SEPTIN9: variants seen among roughly 807,000 people sequenced by gnomAD.
SEPTIN9 encodes septin-9.
In SEPTIN9, 13 loss-of-function variants were observed where a neutral mutation model predicts 56.6. The observed-to-expected ratio is 0.23, with a 90% confidence interval of 0.15 to 0.37. The LOEUF (loss-of-function observed/expected upper bound fraction) is 0.37, where lower values mean the gene tolerates loss of function less well. SEPTIN9 is among the 10% of genes least tolerant of loss of function. The pLI, the probability that SEPTIN9 is intolerant of heterozygous loss-of-function variation, is 1.00. For synonymous variants in SEPTIN9, 332 were observed against 334.1 expected (o/e 0.99, Z 0.07); for missense variants, 650 against 823.1 (o/e 0.79, Z 2.57).
At chr17:77,493,561 G>A (rs312799) in intron 10 of SEPTIN9, among the ~76,000 whole-genome samples, 8 of 151,782 alleles carry the variant, frequency 5.3e-5, no homozygotes, top group Admixed American at 2.0e-4. Context: ...CAACACAAAC[G>A]TATTTTCACA....
chr17:77,353,705 C>CT (rs913862425), intron 2 of SEPTIN9, among the ~76,000 whole-genome samples: 7 of 152,196 alleles, frequency 4.6e-5, no homozygotes, highest in Non-Finnish European at 7.3e-5. Context: ...AGGCTCCATT[C>CT]TTTTTGGTTG....
At chr17:77,335,566 A>G (rs565678534) in intron 2 of SEPTIN9, among the ~76,000 whole-genome samples, 97 of 150,442 alleles carry the variant, frequency 6.4e-4, no homozygotes, top group African/African-American at 2.2e-3. Flanking sequence ...TGTTGACTGT[A>G]TATGTAGTCC....
chr17:77,479,176 GAA>G (rs2039345511), intron 3 of SEPTIN9, among the ~76,000 whole-genome samples: 1 of 152,066 alleles, frequency 6.6e-6, no homozygotes, highest in African/African-American at 2.4e-5. Flanking sequence ...CAATTAAAAG[GAA>G]AAGTCACGTG....
chr17:77,450,517 G>T lies in SEPTIN9; in HGVS notation c.722-31627G>T. 1 of 985,490 alleles carries T rather than the reference G, an allele frequency of 1.0e-6. No individual in the cohort carries two copies. Among genetic ancestry groups the T allele is most frequent in the Non-Finnish European group, 1.2e-6 (1 of 830,000 alleles). 61.0% of individuals were successfully genotyped at this position (985,490 alleles called of 1,614,324 possible). A position where few individuals can be genotyped will look rare whatever the true frequency, so the allele number is the denominator to read the frequency against. On this transcript the variant is annotated intron_variant, in intron 3 of 11. Coordinates refer to ENST00000427177, the MANE Select transcript of SEPTIN9 (RefSeq NM_001113491.2). This position sits in a 1 kb window ranked among gnomAD's most constrained non-coding sequence, Gnocchi z 6.0. ...CTAGTGTGGGAGTGGCCACGCCCCT[G>T]CTGGGAGTGACTCACTTGGGTTCAG...
At chr17:77,489,870 C>G (rs1052818637) in intron 7 of SEPTIN9, among the ~76,000 whole-genome samples, 1 of 152,212 alleles carries the variant, frequency 6.6e-6, no homozygotes, top group African/African-American at 2.4e-5. Flanking sequence ...CCAGGCAGAA[C>G]GGCTCACCTG....
Position 77,451,346 on chromosome 17 carries a change from C to T in SEPTIN9, c.722-30798C>T, listed in dbSNP as rs1042622362. 40 of 985,726 alleles carry T rather than the reference C, an allele frequency of 4.1e-5. No individual in the cohort carries two copies. The highest frequency in any genetic ancestry group is 4.5e-5 in the Non-Finnish European group (37 of 830,070). The allele number at this position is 985,726 out of a possible 1,614,324, so 61.1% of individuals were successfully genotyped here. ...CGCCCTGCCCCCTTGGAGCAATTCC[C>T]CACCGAGCCTCCCTTCCCAGGCAGT... On this transcript the variant is annotated intron_variant, in intron 3 of 11. Transcript: ENST00000427177. The surrounding 1 kb of genome is among the most constrained non-coding windows in gnomAD (Gnocchi z 4.2).
Position 77,405,220 on chromosome 17 carries a change from G to A in SEPTIN9, c.721+2517G>A. 2.3e-6 allele frequency: 3 copies of A among 1,307,634 alleles called. No homozygotes were observed. The highest frequency in any genetic ancestry group is 3.2e-6 in the Non-Finnish European group (3 of 951,536). 81.0% of individuals were successfully genotyped at this position (1,307,634 alleles called of 1,614,324 possible). A position where few individuals can be genotyped will look rare whatever the true frequency, so the allele number is the denominator to read the frequency against. ...AGTTTAGCCCCTAAATTGTGCCAGA[G>A]ACTGTGCCGGGAGCCAGGCCCAGGG... On this transcript the variant is annotated intron_variant, in intron 3 of 11. Coordinates refer to ENST00000427177, the MANE Select transcript of SEPTIN9 (RefSeq NM_001113491.2). This position sits in a 1 kb window ranked among gnomAD's most constrained non-coding sequence, Gnocchi z 5.8.
intron 1 of SEPTIN9, among the ~76,000 whole-genome samples, chr17:77,282,869 C>T (rs1361405480): frequency 3.9e-5 from 6 of 152,170 alleles, no homozygotes; most frequent in Non-Finnish European, 7.4e-5. Context: ...GGGGATCGCG[C>T]GGTGCATGGC....
chr17:77,488,460 C>G, intron 6 of SEPTIN9, 139 bp downstream of exon 6: 1 of 880,980 alleles, frequency 1.1e-6, no homozygotes, highest in Admixed American at 2.1e-5. Context: ...GCCAAAGCCG[C>G]ACGTCTCAGG....
rs1196343968 is a variant in SEPTIN9, at chr17:77,436,058, T to C, written c.721+33355T>C. ...GTGTTTATGCATGGGTACTTTGCCA[T>C]CCACACTGGCTTCCACGGCTGGGTG... On this transcript the variant is annotated intron_variant, in intron 3 of 11. Coordinates refer to ENST00000427177, the MANE Select transcript of SEPTIN9 (RefSeq NM_001113491.2). The surrounding 1 kb of genome is among the most constrained non-coding windows in gnomAD (Gnocchi z 4.4). Among the ~76,000 whole-genome samples the C allele has an allele frequency of 6.6e-6, 1 of 152,190 alleles. No individual in the cohort carries two copies. The highest frequency in any genetic ancestry group is 1.5e-5 in the Non-Finnish European group (1 of 68,020).
chr17:77,454,336 A>G (rs1353267016), intron 3 of SEPTIN9: 2 of 985,250 alleles, frequency 2.0e-6, no homozygotes, highest in Non-Finnish European at 2.4e-6. Flanking sequence ...TGATTTGTTT[A>G]TTGAGTGCCA....
intron 3 of SEPTIN9, among the ~76,000 whole-genome samples, chr17:77,452,159 T>C (rs1476497709): frequency 6.6e-6 from 1 of 152,192 alleles, no homozygotes; most frequent in African/African-American, 2.4e-5. Flanking sequence ...GGGGCTGGTC[T>C]GCGTGTGCTT....
intron 3 of SEPTIN9, among the ~76,000 whole-genome samples, chr17:77,464,222 G>T (rs557938188): frequency 4.9e-4 from 75 of 152,162 alleles, no homozygotes; most frequent in Admixed American, 1.1e-3. Flanking sequence ...ATTACAAGGT[G>T]CCTGCCACCA....
Position 77,405,355 on chromosome 17 carries a change from A to G in SEPTIN9, c.721+2652A>G, listed in dbSNP as rs1389752557. ...CCAGCAGTGGAAGTACAATTTCATCAGGCCAGGAAGGGGAGAGAAAGGCAG... is the reference window on the plus strand; with the variant it reads ...CCAGCAGTGGAAGTACAATTTCATCGGGCCAGGAAGGGGAGAGAAAGGCAG... On this transcript the variant is annotated intron_variant, in intron 3 of 11. Transcript: ENST00000427177. The surrounding 1 kb of genome is among the most constrained non-coding windows in gnomAD (Gnocchi z 5.8). Among the ~76,000 whole-genome samples, 2 of 152,152 alleles carry G rather than the reference A, an allele frequency of 1.3e-5. No individual in the cohort carries two copies. Among genetic ancestry groups the G allele is most frequent in the African/African-American group, 4.8e-5 (2 of 41,430 alleles).
intron 3 of SEPTIN9, among the ~76,000 whole-genome samples, chr17:77,406,172 C>T (rs966569090): frequency 2.0e-5 from 3 of 152,264 alleles, no homozygotes; most frequent in Admixed American, 2.0e-4. Flanking sequence ...TGAGCCTTCT[C>T]TGCTCACTCA....
chr17:77,293,738 A>C (rs2031675448), intron 1 of SEPTIN9, among the ~76,000 whole-genome samples: 1 of 152,176 alleles, frequency 6.6e-6, no homozygotes, highest in South Asian at 2.1e-4. Flanking sequence ...CCAAAGTTCT[A>C]TTTCTCCCAC....
At position 77,433,896 on chromosome 17, in the gene SEPTIN9, C is replaced by G. The variant is rs200068543; in HGVS notation, c.721+31193C>G. On this transcript the variant is annotated intron_variant, in intron 3 of 11. Transcript: ENST00000427177. The surrounding 1 kb of genome is among the most constrained non-coding windows in gnomAD (Gnocchi z 6.4). ...CCATATGGTCCTAATTAGGACCTTC[C>G]GCCCGTTGGTGGATGGGCAGAGAGG... Among the ~76,000 whole-genome samples the G allele has an allele frequency of 3.3e-5, 5 of 152,176 alleles. No individual in the cohort carries two copies. Among genetic ancestry groups the G allele is most frequent in the Non-Finnish European group, 7.4e-5 (5 of 68,026 alleles).
At chr17:77,301,101 C>T (rs1471706359) in intron 1 of SEPTIN9, among the ~76,000 whole-genome samples, 1 of 152,022 alleles carries the variant, frequency 6.6e-6, no homozygotes, top group Non-Finnish European at 1.5e-5. Context: ...TCAAACCGCC[C>T]CCACCCCAGG....
intron 2 of SEPTIN9, among the ~76,000 whole-genome samples, chr17:77,311,315 C>T (rs1232397019): frequency 1.3e-5 from 2 of 151,622 alleles, no homozygotes; most frequent in Non-Finnish European, 2.9e-5. Context: ...GGAGAGAACC[C>T]GCTTCCATTT....
Sources: allele counts gnomAD v4.1 joint callset (sites outside exome capture counted in the v4.1 genomes callset), GRCh38; gene constraint gnomAD v4.1.1; non-coding constraint Gnocchi (gnomAD v3.1); transcripts MANE v1.5; gene names NCBI Gene and HGNC (gene_info 2026-07-23, HGNC 2026-07-21).